Variants in USP9X observed in about 807,000 individuals in gnomAD.
The protein encoded by USP9X is ubiquitin specific peptidase 9 X-linked.
Under a neutral mutation model 190.3 loss-of-function variants are expected in USP9X, and 7 were observed. The observed-to-expected ratio is 0.04, with a 90% CI of 0.02 to 0.07. USP9X has a LOEUF of 0.07. Ranked by LOEUF, USP9X falls within the 10% of genes least tolerant of loss-of-function variation. USP9X has a pLI of 1.00. For missense variants in USP9X, 1,010 were observed against 1,916.9 expected, an observed-to-expected ratio of 0.53 and a Z score of 8.83; for synonymous variants, 645 against 659.5, an observed-to-expected ratio of 0.98 and a Z score of 0.34.
At chrX:41,213,293 C>T (rs2063182312) in intron 33 of USP9X, among the ~76,000 whole-genome samples, 1 of 110,983 alleles carries the variant, frequency 9.0e-6, no homozygotes, top group Non-Finnish European at 1.9e-5. Context: ...TGAGACCTCA[C>T]CTCATTAAAA....
Position 41,225,083 on chromosome X carries a change from A to G in USP9X, c.7007A>G (p.Tyr2336Cys), listed in dbSNP as rs1182060907. 3.3e-6 allele frequency: 4 copies of G among 1,210,214 alleles called. No individual in the cohort carries two copies. Among genetic ancestry groups the G allele is most frequent in the African/African-American group, 3.5e-5 (2 of 57,266 alleles). ...AYSYTYELRP[Y>C]LDLLLQILLI... is the part of the protein sequence containing the mutation. Reference sequence around the variant, plus strand: ...TCCTATACCTATGAACTGCGGCCCTATTTGGATCTGCTTTTGCAAATCTTA... The same window carrying G: ...TCCTATACCTATGAACTGCGGCCCTGTTTGGATCTGCTTTTGCAAATCTTA... The change falls in exon 41 of 45, where the codon TAT (tyrosine) becomes TGT (cysteine). Residue 2336 changes from tyrosine to cysteine, a missense_variant. By Grantham distance (194) the Tyr-to-Cys change is radical. Transcript: ENST00000378308.
chrX:41,100,708 G>A (rs1180787660), intron 1 of USP9X, among the ~76,000 whole-genome samples: 1 of 110,996 alleles, frequency 9.0e-6, no homozygotes, highest in Admixed American at 9.6e-5. Context: ...GTGCAATGGC[G>A]TGATCTCAGC....
chrX:41,197,720 G>T (rs763924032), intron 29 of USP9X, among the ~76,000 whole-genome samples: 2 of 111,416 alleles, frequency 1.8e-5, no homozygotes, highest in Non-Finnish European at 3.8e-5. Flanking sequence ...ATTTAAATAA[G>T]ATTTCATGGC....
At chrX:41,224,262 T>G (rs2063292208) in intron 39 of USP9X, among the ~76,000 whole-genome samples, 2 of 111,390 alleles carry the variant, frequency 1.8e-5, no homozygotes, top group Admixed American at 1.9e-4. Context: ...TCTTGGTATA[T>G]CTATCTGATC....
intron 2 of USP9X, among the ~76,000 whole-genome samples, chrX:41,125,684 A>ACACTCTCT: frequency 2.2e-3 from 42 of 19,022 alleles, no homozygotes; most frequent in East Asian, 7.8e-3. Flanking sequence ...ACACACACAC[A>ACACTCTCT]CTCTCTCTCT....
At chrX:41,131,232 T>C (rs1301983156) in intron 3 of USP9X, among the ~76,000 whole-genome samples, 1 of 111,726 alleles carries the variant, frequency 9.0e-6, no homozygotes, top group Non-Finnish European at 1.9e-5. Context: ...TTCCCTCTCT[T>C]ATTGCTGTAT....
At chrX:41,197,332 C>CGG in intron 28 of USP9X, 32 bp from the exon 29 acceptor site, 8 of 211,266 alleles carry the variant, frequency 3.8e-5, no homozygotes, top group Non-Finnish European at 6.2e-5. Context: ...TTGATTTCTT[C>CGG]CCCCCCCCAC....
At chrX:41,179,794 C>T (rs1462970676) in intron 21 of USP9X, among the ~76,000 whole-genome samples, 5 of 110,948 alleles carry the variant, frequency 4.5e-5, no homozygotes, top group Admixed American at 9.6e-5. Context: ...GTTTTCATAC[C>T]CTTGGCTTTT....
intron 1 of USP9X, among the ~76,000 whole-genome samples, chrX:41,120,688 CG>C (rs1314095966): frequency 5.4e-5 from 6 of 110,110 alleles, no homozygotes; most frequent in South Asian, 3.9e-4. Flanking sequence ...TTAGTAGAGA[CG>C]GGGTTTCGCC....
At chrX:41,113,581 A>G (rs2062125126) in intron 1 of USP9X, among the ~76,000 whole-genome samples, 1 of 112,442 alleles carries the variant, frequency 8.9e-6, no homozygotes, top group East Asian at 2.8e-4. Context: ...CTGGATTGTA[A>G]TAAACATGAA....
At chrX:41,115,255 A>AAAG (rs1569154083) in intron 1 of USP9X, among the ~76,000 whole-genome samples, 5 of 106,453 alleles carry the variant, frequency 4.7e-5, no homozygotes, top group African/African-American at 6.7e-5. Flanking sequence ...AAAAAAAAAA[A>AAAG]GTAGTGAGGT....
intron 23 of USP9X, among the ~76,000 whole-genome samples, chrX:41,186,074 A>C (rs1044601129): frequency 1.8e-5 from 2 of 111,450 alleles, no homozygotes; most frequent in Non-Finnish European, 3.8e-5. Context: ...TACCTTTCAT[A>C]CATTAGTCCT....
intron 1 of USP9X, among the ~76,000 whole-genome samples, chrX:41,111,268 A>G (rs2062106567): frequency 9.0e-6 from 1 of 111,729 alleles, no homozygotes; most frequent in Non-Finnish European, 1.9e-5. Context: ...CCTTGTGAAG[A>G]TACAGTAAGA....
chrX:41,112,816 C>T (rs1380084173), intron 1 of USP9X, among the ~76,000 whole-genome samples: 2 of 112,464 alleles, frequency 1.8e-5, no homozygotes, highest in African/African-American at 6.5e-5. Flanking sequence ...ATGAGATTAC[C>T]TAAAAATATT....
At chrX:41,197,549 A>G in intron 29 of USP9X, 39 bp downstream of exon 29, 1 of 1,140,612 alleles carries the variant, frequency 8.8e-7, no homozygotes, top group Non-Finnish European at 1.2e-6. Context: ...ACATATCATA[A>G]CCTTCTAAAT....
intron 1 of USP9X, among the ~76,000 whole-genome samples, chrX:41,090,482 A>G (rs1180497254): frequency 1.8e-5 from 2 of 112,531 alleles, no homozygotes; most frequent in African/African-American, 6.5e-5. Context: ...TACTCATGCT[A>G]AATCTTGGTG....
rs1222003184 is a variant in USP9X at position 41,144,224 on chromosome X, T to TC, written c.1315-298_1315-297insC. On this transcript the variant is annotated intron_variant, in intron 10 of 44. Transcript: ENST00000378308. The stretch of plus-strand genomic sequence containing the variant: ...AAAGCATTTTATAATGTTAGAATTT[T>TC]TTTTTTTTTTTTTGAGATGGAGTTT... Among the ~76,000 whole-genome samples the TC allele has an allele frequency of 1.4e-4, 15 of 103,994 alleles. 1 individual carries two copies. In the Admixed American group the frequency reaches 1.5e-3, roughly 11 times the overall value. The allele number at this position is 103,994 out of a possible 115,157, so 90.3% of individuals were successfully genotyped here.
chrX:41,228,080 A>G (rs2063330357), intron 41 of USP9X, among the ~76,000 whole-genome samples: 1 of 110,568 alleles, frequency 9.0e-6, no homozygotes, highest in Non-Finnish European at 1.9e-5. Flanking sequence ...AACCCTGGCA[A>G]CCACTAATCT....
At chrX:41,124,222 G>T in intron 2 of USP9X, among the ~76,000 whole-genome samples, 1 of 111,074 alleles carries the variant, frequency 9.0e-6, no homozygotes, top group Non-Finnish European at 1.9e-5. Flanking sequence ...GAGGCAGGCG[G>T]ATCACAAGGT....
Sources: gnomAD v4.1 joint callset for allele counts (sites outside exome capture counted in the v4.1 genomes callset) on GRCh38, gnomAD v4.1.1 for gene constraint, MANE v1.5 for transcripts, NCBI Gene and HGNC (gene_info 2026-07-23, HGNC 2026-07-21) for gene names.